The following HELQ variants were observed in gnomAD, a reference collection of about 807,000 sequenced individuals.
HELQ encodes helicase, POLQ like, also known as helicase POLQ-like.
A neutral mutation model predicts 111.6 loss-of-function variants in HELQ; 77 were observed. The observed-to-expected ratio is 0.69, with a 90% CI of 0.57 to 0.83. The LOEUF is 0.83. Ranked by LOEUF, HELQ falls within the 40% of genes least tolerant of loss-of-function variation. The pLI, the probability that HELQ is intolerant of heterozygous loss-of-function variation, is 0.00. For synonymous variants in HELQ, 438 were observed against 454.7 expected (o/e 0.96, Z 0.47); for missense variants, 1,200 against 1,288.5 (o/e 0.93, Z 1.05).
At chr4:83,410,786 G>T (rs1011170649) in intron 17 of HELQ, among the ~76,000 whole-genome samples, 3 of 151,936 alleles carry the variant, frequency 2.0e-5, no homozygotes, top group African/African-American at 7.3e-5. Flanking sequence ...AAAGGCCTTG[G>T]GGTCTTGAAA....
At chr4:83,449,769 A>G (rs1721248916) in intron 2 of HELQ, among the ~76,000 whole-genome samples, 1 of 152,192 alleles carries the variant, frequency 6.6e-6, no homozygotes, top group Non-Finnish European at 1.5e-5. Context: ...GCCAATAAGC[A>G]GCAGAAATGC....
At chr4:83,433,722 C>A (rs1720288913) in intron 9 of HELQ, among the ~76,000 whole-genome samples, 2 of 146,766 alleles carry the variant, frequency 1.4e-5, no homozygotes. Flanking sequence ...GTAGCTCATG[C>A]CTGTAAATCC....
chr4:83,429,119 T>C (rs1720003942), intron 12 of HELQ, among the ~76,000 whole-genome samples: 1 of 152,074 alleles, frequency 6.6e-6, no homozygotes, highest in Non-Finnish European at 1.5e-5. Context: ...TATAAAATTA[T>C]AAATACAACT....
chr4:83,455,851 A>C (rs1245861595), upstream of HELQ: 1 of 795,618 alleles, frequency 1.3e-6, no homozygotes, highest in Non-Finnish European at 2.0e-6. Flanking sequence ...AGCACGCATA[A>C]ACTTCTACCC....
chr4:83,441,189 A>T, intron 7 of HELQ, 116 bp downstream of exon 7: 1 of 650,064 alleles, frequency 1.5e-6, no homozygotes, highest in South Asian at 1.8e-5. Flanking sequence ...AACAAATGTC[A>T]AGCATCAGCT....
At chr4:83,414,353 C>T (rs1477811918) in intron 17 of HELQ, among the ~76,000 whole-genome samples, 1 of 152,206 alleles carries the variant, frequency 6.6e-6, no homozygotes, top group Non-Finnish European at 1.5e-5. Flanking sequence ...GTCCGGATCC[C>T]ATCCACAGGG....
intron 2 of HELQ, among the ~76,000 whole-genome samples, chr4:83,451,792 G>C (rs968762282): frequency 1.3e-5 from 2 of 152,212 alleles, no homozygotes; most frequent in African/African-American, 4.8e-5. Flanking sequence ...GAAGAACAGA[G>C]GGAAGAAAGT....
At chr4:83,452,792 G>A (rs905933780) in intron 2 of HELQ, among the ~76,000 whole-genome samples, 7 of 152,224 alleles carry the variant, frequency 4.6e-5, no homozygotes, top group African/African-American at 1.7e-4. Flanking sequence ...AGACGTCTCA[G>A]TCATCAGATC....
Position 83,453,575 on chromosome 4 carries a change from C to T in HELQ, c.668G>A (p.Trp223Ter), listed in dbSNP as rs759804856. The T allele has an allele frequency of 1.9e-6, 3 of 1,612,950 alleles. No homozygotes were observed. The African/African-American group carries it at 4.0e-5, about 22-fold the overall frequency. The change falls in exon 2 of 18, where the codon TGG (tryptophan) becomes TAG (stop). Residue 223 changes from tryptophan (W) to a stop codon, truncating the protein, a stop_gained. Transcript: ENST00000295488. LOFTEE classifies it high-confidence loss of function. ...LGDHSMKERD[W>*]KSSSHNTVNE... ...CACAGTGTTGTGAGAGGATGACTTC[C>T]AATCCCTTTCTTTCATAGAATGATC...
chr4:83,420,752 T>C (rs1249379939), intron 15 of HELQ, among the ~76,000 whole-genome samples: 1 of 151,956 alleles, frequency 6.6e-6, no homozygotes, highest in Admixed American at 6.6e-5. Context: ...GCCACTGTAC[T>C]CCAGCCTGAG....
Position 83,447,039 on chromosome 4 carries a change from G to T in HELQ, c.1192-4C>A, listed in dbSNP as rs181099449. ...CAAAACTTGACAAACCTGAAATCTAGAATATTAGTTAAAATAAAGAAAAAT... is the reference window on the plus strand; with the variant it reads ...CAAAACTTGACAAACCTGAAATCTATAATATTAGTTAAAATAAAGAAAAAT... On this transcript the variant is annotated splice_region_variant and splice_polypyrimidine_tract_variant and intron_variant, in intron 3 of 17. Coordinates refer to ENST00000295488, the MANE Select transcript of HELQ (RefSeq NM_133636.5). The T allele has an allele frequency of 1.0e-5, 16 of 1,599,704 alleles. No homozygotes were observed. The highest frequency in any genetic ancestry group is 1.4e-5 in the Non-Finnish European group (16 of 1,168,484).
rs76944598 is a variant in HELQ at position 83,421,543 on chromosome 4, C to T, written c.2949+20G>A. On this transcript the variant is annotated intron_variant, in intron 15 of 17. Transcript: ENST00000295488. ...ACCAGAAGATGCACAAAGTACATAT[C>T]ATATATTCAATGAAATTACCTCACA... 1,095 of 1,591,584 alleles carry T rather than the reference C, an allele frequency of 6.9e-4. 8 individuals are homozygous for T. The African/African-American group carries it at 0.013, about 19-fold the overall frequency.
intron 1 of HELQ, 67 bp from the exon 2 acceptor site, chr4:83,454,012 T>C: frequency 1.0e-6 from 1 of 960,512 alleles, no homozygotes; most frequent in Non-Finnish European, 1.6e-6. Flanking sequence ...TTCACCAGCC[T>C]GGCCAACATG....
intron 12 of HELQ, among the ~76,000 whole-genome samples, chr4:83,428,970 G>C (rs935401071): frequency 6.6e-6 from 1 of 151,990 alleles, no homozygotes; most frequent in African/African-American, 2.4e-5. Context: ...GATTTGTATG[G>C]TTGCTAGGAG....
intron 3 of HELQ, among the ~76,000 whole-genome samples, 180 bp from the exon 4 acceptor site, chr4:83,447,215 C>T (rs1721099115): frequency 6.6e-6 from 1 of 152,102 alleles, no homozygotes; most frequent in African/African-American, 2.4e-5. Context: ...GCTGTGGTGG[C>T]ACAGGCCTGT....
At chr4:83,417,266 G>A (rs1739413873) in intron 16 of HELQ, among the ~76,000 whole-genome samples, 1 of 150,258 alleles carries the variant, frequency 6.7e-6, no homozygotes, top group Non-Finnish European at 1.5e-5. Context: ...GCAATGGTGC[G>A]ATCTTGGCTT....
chr4:83,427,414 G>A, intron 13 of HELQ, 149 bp downstream of exon 13: 1 of 489,444 alleles, frequency 2.0e-6, no homozygotes, highest in Non-Finnish European at 3.5e-6. Flanking sequence ...TAGCACTTTG[G>A]GAGGACAATG....
At chr4:83,447,103 C>T in intron 3 of HELQ, 68 bp from the exon 4 acceptor site, 1 of 898,690 alleles carries the variant, frequency 1.1e-6, no homozygotes, top group Non-Finnish European at 1.7e-6. Flanking sequence ...ATCCCAGTAC[C>T]TTGGGAGGCT....
chr4:83,446,451 C>T lies in HELQ; in HGVS notation c.1393-365G>A, dbSNP rs112496354. ...CCTCCCGAGTGGCTGGGATTACAGGCGCCCACCACCACGCCCGGCTAATTT... is the reference window on the plus strand; with the variant it reads ...CCTCCCGAGTGGCTGGGATTACAGGTGCCCACCACCACGCCCGGCTAATTT... On this transcript the variant is annotated intron_variant, in intron 4 of 17. Transcript: ENST00000295488. Among the ~76,000 whole-genome samples the T allele has an allele frequency of 6.0e-3, 920 of 152,160 alleles. 11 individuals are homozygous for T. Among genetic ancestry groups the T allele is most frequent in the African/African-American group, 0.021 (879 of 41,502 alleles).
Sources: allele counts gnomAD v4.1 joint callset (sites outside exome capture counted in the v4.1 genomes callset), GRCh38; gene constraint gnomAD v4.1.1; transcripts MANE v1.5; gene names NCBI Gene and HGNC (gene_info 2026-07-23, HGNC 2026-07-21).